WDFY2: variants seen among roughly 807,000 people sequenced by gnomAD.
WDFY2 encodes WD repeat and FYVE domain-containing protein 2.
WDFY2 carries 36 observed loss-of-function variants against 56.4 expected under a neutral mutation model. That is an observed-to-expected ratio of 0.64 (90% CI 0.49 to 0.84). WDFY2 has a LOEUF of 0.84. WDFY2 is among the 40% of genes least tolerant of loss of function. The pLI, the probability that WDFY2 is intolerant of heterozygous loss-of-function variation, is 0.00. For synonymous variants in WDFY2, 176 were observed against 183.7 expected (o/e 0.96, Z 0.34); for missense variants, 444 against 512.2 (o/e 0.87, Z 1.29).
rs965049699 is a variant in WDFY2 at position 51,767,406 on chromosome 13, G to C, written c.*7637G>C. 2 of 152,270 alleles carry C rather than the reference G, an allele frequency of 1.3e-5. No individual in the cohort carries two copies. Among genetic ancestry groups the C allele is most frequent in the Non-Finnish European group, 2.9e-5 (2 of 68,042 alleles). The allele number at this position is 152,270 out of a possible 1,614,324, so 9.4% of individuals were successfully genotyped here. Reference sequence around the variant, plus strand: ...AATCCCTTCCTTGTGGTCCTTGGCTGATGATGAGCCCTGGATCAGAGTGTC... The same window carrying C: ...AATCCCTTCCTTGTGGTCCTTGGCTCATGATGAGCCCTGGATCAGAGTGTC... On this transcript the variant is annotated 3_prime_UTR_variant, in exon 12 of 12. Coordinates refer to ENST00000298125, the MANE Select transcript of WDFY2 (RefSeq NM_052950.4).
chr13:51,757,044 A>G (rs1182417968), intron 10 of WDFY2, among the ~76,000 whole-genome samples: 1 of 152,212 alleles, frequency 6.6e-6, no homozygotes, highest in East Asian at 1.9e-4. Context: ...AGCTGCCCCC[A>G]GATGTAAACA....
At chr13:51,660,202 T>C (rs917665091) in intron 1 of WDFY2, among the ~76,000 whole-genome samples, 14 of 151,944 alleles carry the variant, frequency 9.2e-5, no homozygotes, top group South Asian at 2.1e-4. Flanking sequence ...CTCTCTCTCT[T>C]ATGTTTTTTT....
chr13:51,679,837 G>A (rs1006076226), intron 3 of WDFY2, among the ~76,000 whole-genome samples: 10 of 151,992 alleles, frequency 6.6e-5, no homozygotes, highest in Non-Finnish European at 1.0e-4. Context: ...TTGGCATTCC[G>A]TGGCTTGTGA....
chr13:51,690,978 G>A (rs1956143192), intron 3 of WDFY2, among the ~76,000 whole-genome samples: 1 of 152,146 alleles, frequency 6.6e-6, no homozygotes, highest in Non-Finnish European at 1.5e-5. Context: ...GTGTTTTTTG[G>A]CTGCATAAAT....
At chr13:51,751,263 T>TG in intron 7 of WDFY2, 47 bp from the exon 8 acceptor site, 1 of 1,588,204 alleles carries the variant, frequency 6.3e-7, no homozygotes, top group Non-Finnish European at 8.6e-7. Flanking sequence ...TGCGAGGCCT[T>TG]GCATTTGTTC....
intron 5 of WDFY2, 44 bp from the exon 6 acceptor site, chr13:51,727,634 C>T (rs536051792): frequency 2.6e-6 from 4 of 1,568,308 alleles, no homozygotes; most frequent in Admixed American, 3.5e-5. Context: ...TTGTAAATTC[C>T]CTCATTTAAT....
intron 2 of WDFY2, among the ~76,000 whole-genome samples, chr13:51,664,569 C>T (rs1955667814): frequency 6.6e-6 from 1 of 152,180 alleles, no homozygotes; most frequent in Non-Finnish European, 1.5e-5. Flanking sequence ...CTCCTAATCC[C>T]CTGAGAATCC....
At chr13:51,627,558 AT>A (rs1954860494) in intron 1 of WDFY2, among the ~76,000 whole-genome samples, 1 of 150,610 alleles carries the variant, frequency 6.6e-6, no homozygotes. Flanking sequence ...TTGTTATTGT[AT>A]TTTTAGTAGA....
At chr13:51,622,432 G>T (rs1297950270) in intron 1 of WDFY2, among the ~76,000 whole-genome samples, 3 of 152,172 alleles carry the variant, frequency 2.0e-5, no homozygotes, top group Non-Finnish European at 4.4e-5. Flanking sequence ...CCACAGGTGA[G>T]TAAATGACTG....
At chr13:51,586,374 A>T (rs972675452) in intron 1 of WDFY2, 6 of 274,306 alleles carry the variant, frequency 2.2e-5, no homozygotes, top group Admixed American at 5.2e-5. Context: ...GAATCAAGAA[A>T]AGGAGAAGGG....
chr13:51,648,020 T>C (rs1245517797), intron 1 of WDFY2, among the ~76,000 whole-genome samples: 1 of 152,166 alleles, frequency 6.6e-6, no homozygotes, highest in East Asian at 1.9e-4. Flanking sequence ...CCTGCTTAGT[T>C]GAACATGTGA....
intron 1 of WDFY2, among the ~76,000 whole-genome samples, chr13:51,611,250 C>T (rs1171689420): frequency 1.3e-5 from 2 of 152,190 alleles, no homozygotes; most frequent in Non-Finnish European, 2.9e-5. Flanking sequence ...TATGTATTGA[C>T]TGTAAAACCT....
At chr13:51,728,144 C>T (rs990177924) in intron 6 of WDFY2, among the ~76,000 whole-genome samples, 9 of 152,328 alleles carry the variant, frequency 5.9e-5, no homozygotes, top group South Asian at 2.1e-4. Flanking sequence ...ACAGCTGCCT[C>T]GGTCTGACCT....
chr13:51,614,948 A>G (rs1446297586), intron 1 of WDFY2, among the ~76,000 whole-genome samples: 2 of 152,228 alleles, frequency 1.3e-5, no homozygotes, highest in African/African-American at 4.8e-5. Flanking sequence ...GAGAGATCAT[A>G]TACACATTGA....
At chr13:51,624,026 G>A (rs1472141000) in intron 1 of WDFY2, among the ~76,000 whole-genome samples, 1 of 152,126 alleles carries the variant, frequency 6.6e-6, no homozygotes, top group Non-Finnish European at 1.5e-5. Context: ...GGAAGTGATT[G>A]ACCCCTATTT....
In WDFY2 at chr13:51,760,985, G is replaced by A. The variant is rs114029920; in HGVS notation, c.*1216G>A. 2.5e-4 allele frequency: 38 copies of A among 152,334 alleles called. No individual in the cohort carries two copies. The highest frequency in any genetic ancestry group is 8.9e-4 in the African/African-American group (37 of 41,568). 9.4% of individuals were successfully genotyped at this position (152,334 alleles called of 1,614,324 possible). ...CTGAAAATAAGTGTCTTTAAGTTGTGTTTTTCTGTGTGACATCATCTCTGA... is the reference window on the plus strand; with the variant it reads ...CTGAAAATAAGTGTCTTTAAGTTGTATTTTTCTGTGTGACATCATCTCTGA... On this transcript the variant is annotated 3_prime_UTR_variant, in exon 12 of 12. Transcript: ENST00000298125.
chr13:51,695,717 G>C (rs543607288), intron 3 of WDFY2, among the ~76,000 whole-genome samples: 17 of 152,368 alleles, frequency 1.1e-4, no homozygotes, highest in Admixed American at 7.2e-4. Flanking sequence ...CTTCAAAGCT[G>C]TCAGACAGGG....
intron 5 of WDFY2, among the ~76,000 whole-genome samples, chr13:51,722,864 ATACTT>A (rs1952521899): frequency 6.6e-6 from 1 of 152,240 alleles, no homozygotes; most frequent in African/African-American, 2.4e-5. Flanking sequence ...AAATTTGTGA[ATACTT>A]TATCCAGCGT....
In WDFY2 at chr13:51,761,299, TGTGTA is replaced by T. The variant is rs1298602861; in HGVS notation, c.*1534_*1538del. ...AGCTTGAGAAAATGAAATATTCTTGTGTGTAGTGATTCAGCTCAGGATATTGAAGT... is the reference window on the plus strand; with the variant it reads ...AGCTTGAGAAAATGAAATATTCTTGTGTGATTCAGCTCAGGATATTGAAGT... On this transcript the variant is annotated 3_prime_UTR_variant, in exon 12 of 12. Transcript: ENST00000298125. 6.6e-6 allele frequency: 1 copy of T among 152,198 alleles called. No individual in the cohort carries two copies. Among genetic ancestry groups the T allele is most frequent in the African/African-American group, 2.4e-5 (1 of 41,450 alleles). The allele number at this position is 152,198 out of a possible 1,614,324, so 9.4% of individuals were successfully genotyped here.
Sources: allele counts gnomAD v4.1 joint callset (sites outside exome capture counted in the v4.1 genomes callset), GRCh38; gene constraint gnomAD v4.1.1; transcripts MANE v1.5; gene names NCBI Gene and HGNC (gene_info 2026-07-23, HGNC 2026-07-21).